DICER1: variants seen among roughly 807,000 people sequenced by gnomAD.
DICER1 encodes endoribonuclease Dicer.
In DICER1, 43 loss-of-function variants were observed where a neutral mutation model predicts 194.1. That is an observed-to-expected ratio of 0.22 (90% CI 0.17 to 0.29). The LOEUF is 0.29. DICER1 is among the 10% of genes least tolerant of loss of function. DICER1 has a pLI of 1.00. For synonymous variants in DICER1, 832 were observed against 820.5 expected (o/e 1.01, Z -0.24); for missense variants, 1,608 against 2,317.0 (o/e 0.69, Z 6.28).
intron 4 of DICER1, 147 bp downstream of exon 4, chr14:95,131,362 A>G: frequency 1.3e-6 from 1 of 740,780 alleles, no homozygotes; most frequent in South Asian, 1.5e-5. Flanking sequence ...AGTAAGATAT[A>G]GTACATCAGG....
chr14:95,153,989 G>A (rs1895683366), intron 1 of DICER1, among the ~76,000 whole-genome samples: 2 of 152,306 alleles, frequency 1.3e-5, no homozygotes, highest in South Asian at 4.1e-4. Flanking sequence ...TGGGCTTTCA[G>A]GATGAACTAA....
chr14:95,152,926 G>C (rs1360933347), intron 1 of DICER1, among the ~76,000 whole-genome samples: 2 of 152,118 alleles, frequency 1.3e-5, no homozygotes, highest in East Asian at 3.9e-4. Context: ...CCTAAAGACT[G>C]GGTGAGAGGG....
Position 95,113,317 on chromosome 14 carries a change from C to T in DICER1, c.1908-93G>A, listed in dbSNP as rs941541932. ...GTTTGATTTGTCATGTGCCTCTTCC[C>T]CTCTACTGAATTTGTATTTATATGT... is the stretch of plus-strand genomic sequence containing the variant. On this transcript the variant is annotated intron_variant, in intron 11 of 26. Coordinates refer to ENST00000343455, the MANE Select transcript of DICER1 (RefSeq NM_177438.3). 94 of 1,219,324 alleles carry T rather than the reference C, an allele frequency of 7.7e-5. 1 individual carries two copies. The highest frequency in any genetic ancestry group is 1.8e-5 in the Non-Finnish European group (15 of 832,996). The allele number at this position is 1,219,324 out of a possible 1,614,324, so 75.5% of individuals were successfully genotyped here.
intron 8 of DICER1, among the ~76,000 whole-genome samples, chr14:95,121,457 G>A (rs537397410): frequency 8.5e-5 from 13 of 152,154 alleles, no homozygotes; most frequent in Non-Finnish European, 1.9e-4. Context: ...ATATCAATGG[G>A]GGAAACTAAG....
chr14:95,142,909 G>A (rs1894906394), intron 1 of DICER1, among the ~76,000 whole-genome samples: 1 of 152,154 alleles, frequency 6.6e-6, no homozygotes. Flanking sequence ...GAAGCCTAAA[G>A]GCACCTAGAA....
At position 95,129,292 on chromosome 14, in the gene DICER1, G is replaced by GT. The variant is rs1893742969; in HGVS notation, c.734+179dup. 5.1e-6 allele frequency: 3 copies of GT among 591,414 alleles called. No individual in the cohort carries two copies. The South Asian group carries it at 6.3e-5, about 12-fold the overall frequency. The allele number at this position is 591,414 out of a possible 1,614,324, so 36.6% of individuals were successfully genotyped here. A position where few individuals can be genotyped will look rare whatever the true frequency, so the allele number is the denominator to read the frequency against. On this transcript the variant is annotated intron_variant, in intron 6 of 26. Transcript: ENST00000343455. ...GTCTGCTACTCTCTGTGGAAACAAC[G>GT]TTAGATTCTTGAACTCACAGGTAAT...
intron 6 of DICER1, among the ~76,000 whole-genome samples, chr14:95,127,793 T>A (rs1162662832): frequency 6.6e-6 from 1 of 152,246 alleles, no homozygotes. Flanking sequence ...ATTTTGCCAA[T>A]AGATTTCATT....
intron 9 of DICER1, among the ~76,000 whole-genome samples, chr14:95,117,117 A>G (rs1359913073): frequency 1.3e-5 from 2 of 152,206 alleles, no homozygotes; most frequent in South Asian, 2.1e-4. Flanking sequence ...ATTAGTTTTT[A>G]GCATCTTTAC....
intron 1 of DICER1, among the ~76,000 whole-genome samples, chr14:95,155,450 A>C (rs1045692266): frequency 1.3e-5 from 2 of 152,216 alleles, no homozygotes; most frequent in Non-Finnish European, 2.9e-5. Flanking sequence ...TGTACAACCC[A>C]CTATATGACA....
At position 95,096,486 on chromosome 14, in the gene DICER1, T is replaced by C. The variant is rs756670297; in HGVS notation, c.4434A>G (p.Ala1478=). ...SLSPFSTTDS[A]YEWKMPKKSS... is the part of the protein sequence containing the mutation. ...ATTTTTTGGGCATTTTCCATTCATATGCAGAATCAGTGGTTGAAAAAGGAG... is the reference window on the plus strand; with the variant it reads ...ATTTTTTGGGCATTTTCCATTCATACGCAGAATCAGTGGTTGAAAAAGGAG... The change falls in exon 23 of 27, where the codon GCA becomes GCG. Residue 1478 remains alanine, a synonymous_variant. Transcript: ENST00000343455. 1.4e-5 allele frequency: 22 copies of C among 1,614,226 alleles called. No homozygotes were observed. The highest frequency in any genetic ancestry group is 1.9e-5 in the Non-Finnish European group (22 of 1,180,028).
rs371156380 is a variant in DICER1 at position 95,105,298 on chromosome 14, G to GAA, written c.3094-54_3094-53dup. On this transcript the variant is annotated intron_variant, in intron 19 of 26. Coordinates refer to ENST00000343455, the MANE Select transcript of DICER1 (RefSeq NM_177438.3). This position sits in a 1 kb window ranked among gnomAD's most constrained non-coding sequence, Gnocchi z 4.9. ...ATAAATACAAAGCGCACACACAAAA[G>GAA]AAAAAAAAAAAGACCAATTTCACTA... 98 of 1,108,978 alleles carry GAA rather than the reference G, an allele frequency of 8.8e-5. No individual in the cohort carries two copies. Among genetic ancestry groups the GAA allele is most frequent in the Admixed American group, 1.2e-4 (5 of 40,470 alleles). 68.7% of individuals were successfully genotyped at this position (1,108,978 alleles called of 1,614,324 possible).
At chr14:95,133,293 G>T in intron 2 of DICER1, 22 bp downstream of exon 2, 1 of 1,612,232 alleles carries the variant, frequency 6.2e-7, no homozygotes, top group East Asian at 2.2e-5. Context: ...GAATGCTCCA[G>T]TATTAGTGTT....
intron 24 of DICER1, 185 bp from the exon 25 acceptor site, chr14:95,091,550 C>T (rs1889842996): frequency 1.7e-6 from 1 of 593,004 alleles, no homozygotes; most frequent in African/African-American, 1.9e-5. Context: ...AAAAGTTTTT[C>T]AAACTTCTCA....
intron 1 of DICER1, among the ~76,000 whole-genome samples, chr14:95,139,132 TG>T (rs1190318579): frequency 6.6e-6 from 1 of 152,194 alleles, no homozygotes. Context: ...CAACTGAAAG[TG>T]TTTAATCCTG....
At chr14:95,135,437 C>A (rs185822014) in intron 1 of DICER1, among the ~76,000 whole-genome samples, 3 of 149,096 alleles carry the variant, frequency 2.0e-5, no homozygotes, top group Admixed American at 1.3e-4. Flanking sequence ...ACCAGCAGCA[C>A]CCCCTCCTCC....
rs1490085757 is a variant in DICER1, at chr14:95,088,835, C to T, written c.*1663G>A. ...CAGATAAAGCAGGAAGGACAGTATT[C>T]AAATGTCACTTACATATAAATGCAG... On this transcript the variant is annotated 3_prime_UTR_variant, in exon 27 of 27. Coordinates refer to ENST00000343455, the MANE Select transcript of DICER1 (RefSeq NM_177438.3). The T allele has an allele frequency of 1.7e-5, 4 of 233,254 alleles. No individual in the cohort carries two copies. The highest frequency in any genetic ancestry group is 2.5e-5 in the Non-Finnish European group (3 of 117,914). 14.4% of individuals were successfully genotyped at this position (233,254 alleles called of 1,614,324 possible). A position where few individuals can be genotyped will look rare whatever the true frequency, so the allele number is the denominator to read the frequency against.
intron 14 of DICER1, among the ~76,000 whole-genome samples, chr14:95,109,042 T>G (rs1472866690): frequency 2.6e-5 from 4 of 152,202 alleles, no homozygotes; most frequent in Non-Finnish European, 4.4e-5. Flanking sequence ...ACAAATAAAA[T>G]CACACAACAC....
In DICER1 at chr14:95,115,777, A is replaced by G. The variant is rs761971773; in HGVS notation, c.1797T>C (p.Thr599=). Residue 599 remains threonine, a synonymous_variant, in exon 11 of 27, where the codon ACT becomes ACC. Coordinates refer to ENST00000343455, the MANE Select transcript of DICER1 (RefSeq NM_177438.3). ...KCSKSVDTGE[T]DIDPVMDDDD... ...CATCATCCATGACAGGATCAATGTC[A>G]GTCTCACCAGTATCAACCGACTTGG... The G allele has an allele frequency of 1.2e-6, 2 of 1,614,202 alleles. No individual in the cohort carries two copies. Among genetic ancestry groups the G allele is most frequent in the East Asian group, 4.5e-5 (2 of 44,888 alleles).
chr14:95,134,729 A>G (rs76810370), intron 1 of DICER1, among the ~76,000 whole-genome samples: 1,586 of 152,346 alleles, frequency 0.01, 13 homozygotes, highest in Non-Finnish European at 0.015. Flanking sequence ...TAAGCAGTGC[A>G]GGGGCACCCC....
Sources: gnomAD v4.1 joint callset for allele counts (sites outside exome capture counted in the v4.1 genomes callset) on GRCh38, gnomAD v4.1.1 for gene constraint, Gnocchi (gnomAD v3.1) non-coding constraint, MANE v1.5 for transcripts, NCBI Gene and HGNC (gene_info 2026-07-23, HGNC 2026-07-21) for gene names.